Variants in HOXD8 observed in about 807,000 individuals in gnomAD.
The protein encoded by HOXD8 is homeobox D8, also known as homeobox protein Hox-D8.
Under a neutral mutation model 25.4 loss-of-function variants are expected in HOXD8, and 17 were observed. That is an observed-to-expected ratio of 0.67 (90% CI 0.46 to 1.00). The LOEUF is 1.00. HOXD8 is among the 50% of genes least tolerant of loss of function. The probability of loss-of-function intolerance (pLI) is 0.00; values close to 1 mark genes in which losing one functional copy is unlikely to be tolerated. For missense variants in HOXD8, 511 were observed against 398.5 expected, an observed-to-expected ratio of 1.28 and a Z score of -2.40; for synonymous variants, 203 against 175.3, an observed-to-expected ratio of 1.16 and a Z score of -1.25.
Position 176,131,532 on chromosome 2 carries a change from C to T in HOXD8, c.793C>T (p.Arg265Trp). 6.2e-7 allele frequency: 1 copy of T among 1,613,586 alleles called. No homozygotes were observed. Among genetic ancestry groups the T allele is most frequent in the Non-Finnish European group, 8.5e-7 (1 of 1,179,794 alleles). The change falls in exon 2 of 2, where the codon CGG becomes TGG. Residue 265 changes from arginine (R) to tryptophan (W), a missense_variant. Transcript: ENST00000313173. ...CAACAAGGACAAATTTCCCGTTTCC[C>T]GGCAGGAGGTGAAGGACGGGGAAAC... Reference protein sequence around the residue: ...ENNKDKFPVSRQEVKDGETKK... With the variant: ...ENNKDKFPVSWQEVKDGETKK...
At position 176,131,591 on chromosome 2, in the gene HOXD8, AGCCGAAG is replaced by A. The variant is rs770301432; in HGVS notation, c.856_862del (p.Glu286Ter). Reference sequence around the variant, plus strand: ...AAGCCCAAGAGCTGGAGGAAGACAGAGCCGAAGGCCTGACAAATTAACTTCTACCTTT... The same window carrying A: ...AAGCCCAAGAGCTGGAGGAAGACAGAGCCTGACAAATTAACTTCTACCTTT... On this transcript the variant is annotated frameshift_variant, in exon 2 of 2. Transcript: ENST00000313173. LOFTEE classifies it high-confidence loss of function. 1 of 1,589,302 alleles carries A rather than the reference AGCCGAAG, an allele frequency of 6.3e-7. No homozygotes were observed. Among genetic ancestry groups the A allele is most frequent in the Non-Finnish European group, 8.6e-7 (1 of 1,167,518 alleles).
intron 1 of HOXD8, 78 bp downstream of exon 1, chr2:176,131,021 C>A: frequency 2.1e-6 from 2 of 950,446 alleles, no homozygotes; most frequent in South Asian, 3.4e-5. Flanking sequence ...TTAAAACTCC[C>A]GTTCCCTCTC....
In HOXD8 at chr2:176,131,823, G is replaced by A; in HGVS notation, c.*211G>A. On this transcript the variant is annotated 3_prime_UTR_variant, in exon 2 of 2. Coordinates refer to ENST00000313173, the MANE Select transcript of HOXD8 (RefSeq NM_019558.4). The stretch of plus-strand genomic sequence containing the variant: ...AGAAGCTGTCCTTGAGCTGTCCTAT[G>A]GAAGGGTAATTTGATACTGACCTTG... The A allele has an allele frequency of 4.3e-6, 2 of 469,614 alleles. No homozygotes were observed. Among genetic ancestry groups the A allele is most frequent in the Admixed American group, 7.6e-5 (2 of 26,148 alleles). 29.1% of individuals were successfully genotyped at this position (469,614 alleles called of 1,614,324 possible).
In HOXD8 at chr2:176,130,275, C is replaced by G; in HGVS notation, c.-92C>G. The G allele has an allele frequency of 1.3e-6, 1 of 761,382 alleles. No homozygotes were observed. Among genetic ancestry groups the G allele is most frequent in the Non-Finnish European group, 1.8e-6 (1 of 560,554 alleles). The allele number at this position is 761,382 out of a possible 1,614,324, so 47.2% of individuals were successfully genotyped here. A position where few individuals can be genotyped will look rare whatever the true frequency, so the allele number is the denominator to read the frequency against. On this transcript the variant is annotated 5_prime_UTR_variant, in exon 1 of 2. Transcript: ENST00000313173. ...CCCGGCGGCGAGAGCAGCCGCCCCA[C>G]AGGCCCCCGCGGCAGTGCGGCCGAG...
Position 176,130,585 on chromosome 2 carries a change from C to G in HOXD8, c.219C>G (p.His73Gln), listed in dbSNP as rs1470280778. The G allele has an allele frequency of 6.9e-7, 1 of 1,456,850 alleles. No homozygotes were observed. The highest frequency in any genetic ancestry group is 9.0e-7 in the Non-Finnish European group (1 of 1,116,242). The allele number at this position is 1,456,850 out of a possible 1,614,324, so 90.2% of individuals were successfully genotyped here. A position where few individuals can be genotyped will look rare whatever the true frequency, so the allele number is the denominator to read the frequency against. ...CCCCGCAGGCGCACGCGCACCCGCA[C>G]CCGTCCCCGCCGCCCTCCGGGACTG... ...HAPPQAHAHP[H>Q]PSPPPSGTGC... Residue 73 changes from histidine to glutamine, a missense_variant, in exon 1 of 2, where the codon CAC becomes CAG. Physicochemically the swap from His to Gln is conservative, Grantham distance 24 (BLOSUM62 0). Coordinates refer to ENST00000313173, the MANE Select transcript of HOXD8 (RefSeq NM_019558.4).
In HOXD8 at chr2:176,131,312, A is replaced by G; in HGVS notation, c.578-5A>G. The G allele has an allele frequency of 6.6e-7, 1 of 1,521,412 alleles. No homozygotes were observed. The highest frequency in any genetic ancestry group is 8.8e-7 in the Non-Finnish European group (1 of 1,135,568). The allele number at this position is 1,521,412 out of a possible 1,614,324, so 94.2% of individuals were successfully genotyped here. ...TCCCCCCCCCTTTTTTTTTGTTTTA[A>G]TCAGCAGCTCCTGGTAGACGAAGAG... On this transcript the variant is annotated splice_region_variant and splice_polypyrimidine_tract_variant and intron_variant, in intron 1 of 1. Transcript: ENST00000313173.
chr2:176,130,257 G>A lies in HOXD8; in HGVS notation c.-110G>A. ...GCGACGTAGCCCGGCGGTCCCGGCG[G>A]CGAGAGCAGCCGCCCCACAGGCCCC... On this transcript the variant is annotated 5_prime_UTR_variant, in exon 1 of 2. Transcript: ENST00000313173. 1.7e-6 allele frequency: 1 copy of A among 575,278 alleles called. No homozygotes were observed. The highest frequency in any genetic ancestry group is 2.5e-6 in the Non-Finnish European group (1 of 398,484). The allele number at this position is 575,278 out of a possible 1,614,324, so 35.6% of individuals were successfully genotyped here.
chr2:176,131,370 G>C lies in HOXD8; in HGVS notation c.631G>C (p.Glu211Gln). 1 of 1,602,942 alleles carries C rather than the reference G, an allele frequency of 6.2e-7. No homozygotes were observed. The highest frequency in any genetic ancestry group is 8.5e-7 in the Non-Finnish European group (1 of 1,175,194). Residue 211 changes from glutamate to glutamine, a missense_variant, in exon 2 of 2, where the codon GAG (glutamate) becomes CAG (glutamine). Physicochemically the swap from Glu to Gln is conservative, Grantham distance 29 (BLOSUM62 2). Coordinates refer to ENST00000313173, the MANE Select transcript of HOXD8 (RefSeq NM_019558.4). ...AACCTACAGTCGCTTCCAAACTCTA[G>C]AGTTGGAAAAGGAATTTCTTTTTAA... The part of the protein sequence containing the change: ...RQTYSRFQTL[E>Q]LEKEFLFNPY...
At position 176,131,315 on chromosome 2, in the gene HOXD8, A is replaced by G. The variant is rs753575143; in HGVS notation, c.578-2A>G. 3 of 1,559,384 alleles carry G rather than the reference A, an allele frequency of 1.9e-6. No individual in the cohort carries two copies. The highest frequency in any genetic ancestry group is 2.6e-6 in the Non-Finnish European group (3 of 1,158,446). On this transcript the variant is annotated splice_acceptor_variant, in intron 1 of 1. Coordinates refer to ENST00000313173, the MANE Select transcript of HOXD8 (RefSeq NM_019558.4). LOFTEE classifies it high-confidence loss of function. ...CCCCCCCTTTTTTTTTGTTTTAATC[A>G]GCAGCTCCTGGTAGACGAAGAGGAA... is the stretch of plus-strand genomic sequence containing the variant.
In HOXD8 at chr2:176,130,653, C is replaced by G; in HGVS notation, c.287C>G (p.Pro96Arg). 1 of 1,549,482 alleles carries G rather than the reference C, an allele frequency of 6.5e-7. No homozygotes were observed. Among genetic ancestry groups the G allele is most frequent in the East Asian group, 2.3e-5 (1 of 42,620 alleles). ...REGRGQEYFH[P>R]GGGSPAAAYQ... Reference sequence around the variant, plus strand: ...GGCCGGGGCCAGGAGTACTTCCACCCCGGCGGGGGCAGCCCGGCCGCTGCC... The same window carrying G: ...GGCCGGGGCCAGGAGTACTTCCACCGCGGCGGGGGCAGCCCGGCCGCTGCC... Residue 96 changes from proline (P) to arginine (R), a missense_variant, in exon 1 of 2, where the codon CCC becomes CGC. Physicochemically the swap from Pro to Arg is moderately radical, Grantham distance 103. Transcript: ENST00000313173.
rs1690063313 is a variant in HOXD8, at chr2:176,130,446, T to C, written c.80T>C (p.Ile27Thr). Residue 27 changes from isoleucine to threonine, a missense_variant, in exon 1 of 2, where the codon ATC becomes ACC. Transcript: ENST00000313173. ...GCGGCGGCGGCGGCGGGCGAGGCCATCAATCCCACTTACTACGACTGTCAC... is the reference window on the plus strand; with the variant it reads ...GCGGCGGCGGCGGCGGGCGAGGCCACCAATCCCACTTACTACGACTGTCAC... The part of the protein sequence containing the change: ...AAAAAAAGEA[I>T]NPTYYDCHFA... 1 of 1,492,324 alleles carries C rather than the reference T, an allele frequency of 6.7e-7. No individual in the cohort carries two copies. The highest frequency in any genetic ancestry group is 8.9e-7 in the Non-Finnish European group (1 of 1,127,310). 92.4% of individuals were successfully genotyped at this position (1,492,324 alleles called of 1,614,324 possible).
rs992284842 is a variant in HOXD8 at position 176,129,953 on chromosome 2, C to T, written c.-414C>T. On this transcript the variant is annotated 5_prime_UTR_variant, in exon 1 of 2. Transcript: ENST00000313173. ...TGGGCCGAGCGCACTTTTTTCTTGT[C>T]CGGGTGCGCTCAGTCACTGGTGCCT... The T allele has an allele frequency of 6.1e-6, 1 of 162,680 alleles. No individual in the cohort carries two copies. The highest frequency in any genetic ancestry group is 2.4e-5 in the African/African-American group (1 of 41,346). The allele number at this position is 162,680 out of a possible 1,614,324, so 10.1% of individuals were successfully genotyped here.
intron 1 of HOXD8, 92 bp downstream of exon 1, chr2:176,131,035 C>T (rs1301293744): frequency 1.6e-5 from 14 of 865,490 alleles, no homozygotes; most frequent in East Asian, 7.8e-5. Flanking sequence ...CCCTCTCCCC[C>T]TCCTTTTCCT....
In HOXD8 at chr2:176,130,783, C is replaced by T. The variant is rs925586659; in HGVS notation, c.417C>T (p.Tyr139=). 7.4e-6 allele frequency: 12 copies of T among 1,612,246 alleles called. No individual in the cohort carries two copies. In the African/African-American group the frequency reaches 1.5e-4, roughly 20 times the overall value. ...CHGEPAKFYG[Y]DNLQRQPIFT... ...GGGAGCCCGCGAAGTTTTACGGATA[C>T]GATAACTTACAGAGACAGCCGATTT... The change falls in exon 1 of 2, where the codon TAC becomes TAT. Residue 139 remains tyrosine (Y), a synonymous_variant. Coordinates refer to ENST00000313173, the MANE Select transcript of HOXD8 (RefSeq NM_019558.4).
At position 176,132,443 on chromosome 2, in the gene HOXD8, C is replaced by G. The variant is rs1690134020; in HGVS notation, c.*831C>G. On this transcript the variant is annotated 3_prime_UTR_variant, in exon 2 of 2. Transcript: ENST00000313173. The stretch of plus-strand genomic sequence containing the variant: ...AAATCGCTAGTTCTTTATGCGGTGG[C>G]TGCCGCTGTGTTCCGTTATTTTCAG... 1 of 152,200 alleles carries G rather than the reference C, an allele frequency of 6.6e-6. No homozygotes were observed. Among genetic ancestry groups the G allele is most frequent in the Non-Finnish European group, 1.5e-5 (1 of 68,046 alleles). The allele number at this position is 152,200 out of a possible 1,614,324, so 9.4% of individuals were successfully genotyped here.
At position 176,129,924 on chromosome 2, in the gene HOXD8, C is replaced by A. The variant is rs1690042321; in HGVS notation, c.-443C>A. 1 of 178,782 alleles carries A rather than the reference C, an allele frequency of 5.6e-6. No homozygotes were observed. The highest frequency in any genetic ancestry group is 1.1e-4 in the South Asian group (1 of 9,400). The allele number at this position is 178,782 out of a possible 1,614,324, so 11.1% of individuals were successfully genotyped here. ...GTTTGTAAACCGAGGCCAGAGTGTC[C>A]CCGTGGGCCGAGCGCACTTTTTTCT... On this transcript the variant is annotated 5_prime_UTR_variant, in exon 1 of 2. Coordinates refer to ENST00000313173, the MANE Select transcript of HOXD8 (RefSeq NM_019558.4).
At position 176,130,961 on chromosome 2, in the gene HOXD8, T is replaced by C; in HGVS notation, c.577+18T>C. ...ACCACAAGGTTGGGATGCATTTTTT[T>C]TTTAAGAAGGGAGAGGGGGAGAAAT... On this transcript the variant is annotated intron_variant, in intron 1 of 1. Transcript: ENST00000313173. 1 of 1,492,742 alleles carries C rather than the reference T, an allele frequency of 6.7e-7. No individual in the cohort carries two copies. The highest frequency in any genetic ancestry group is 1.4e-5 in the African/African-American group (1 of 69,558). The allele number at this position is 1,492,742 out of a possible 1,614,324, so 92.5% of individuals were successfully genotyped here. A position where few individuals can be genotyped will look rare whatever the true frequency, so the allele number is the denominator to read the frequency against.
chr2:176,130,483 G>A lies in HOXD8; in HGVS notation c.117G>A (p.Glu39=). The A allele has an allele frequency of 6.7e-7, 1 of 1,491,458 alleles. No homozygotes were observed. Among genetic ancestry groups the A allele is most frequent in the Non-Finnish European group, 8.9e-7 (1 of 1,127,304 alleles). The allele number at this position is 1,491,458 out of a possible 1,614,324, so 92.4% of individuals were successfully genotyped here. ...PTYYDCHFAP[E]VGGRHAAAAA... is the part of the protein sequence containing the mutation. ...ACTACGACTGTCACTTCGCGCCCGA[G>A]GTCGGCGGCCGTCACGCCGCCGCCG... The change falls in exon 1 of 2, where the codon GAG becomes GAA. Residue 39 remains glutamate, a synonymous_variant. Coordinates refer to ENST00000313173, the MANE Select transcript of HOXD8 (RefSeq NM_019558.4).
Position 176,131,718 on chromosome 2 carries a change from C to T in HOXD8, c.*106C>T, listed in dbSNP as rs926816497. On this transcript the variant is annotated 3_prime_UTR_variant, in exon 2 of 2. Transcript: ENST00000313173. ...GAAAGGACCTTACCTGTGTTTCAAGCTACCTTCATGTCACTGCTCTTGAGG... is the reference window on the plus strand; with the variant it reads ...GAAAGGACCTTACCTGTGTTTCAAGTTACCTTCATGTCACTGCTCTTGAGG... 38 of 665,700 alleles carry T rather than the reference C, an allele frequency of 5.7e-5. No individual in the cohort carries two copies. Among genetic ancestry groups the T allele is most frequent in the South Asian group, 2.0e-5 (1 of 49,746 alleles). 41.2% of individuals were successfully genotyped at this position (665,700 alleles called of 1,614,324 possible).
Sources: gnomAD v4.1 joint callset for allele counts on GRCh38, gnomAD v4.1.1 for gene constraint, MANE v1.5 for transcripts, NCBI Gene and HGNC (gene_info 2026-07-23, HGNC 2026-07-21) for gene names.